CHRM5: variants seen among roughly 807,000 people sequenced by gnomAD.
CHRM5 encodes the protein cholinergic receptor muscarinic 5, also known as muscarinic acetylcholine receptor M5.
CHRM5 carries 18 observed loss-of-function variants against 39.0 expected under a neutral mutation model. The ratio of observed to expected loss-of-function variants is 0.46; its 90% CI spans 0.32 to 0.68. CHRM5 has a LOEUF of 0.68. Among genes scored for constraint, CHRM5 ranks in the 30% least tolerant of loss-of-function variants. The pLI is 0.04. For synonymous variants in CHRM5, 241 were observed against 246.3 expected, an observed-to-expected ratio of 0.98 and a Z score of 0.20; for missense variants, 515 against 651.1, an observed-to-expected ratio of 0.79 and a Z score of 2.28.
intron 1 of CHRM5, chr15:33,972,564 T>C (rs1341568127): frequency 6.6e-6 from 1 of 152,124 alleles, no homozygotes; most frequent in African/African-American, 2.4e-5. Flanking sequence ...CAAAGGACTG[T>C]CTTGAATTAG....
intron 1 of CHRM5, among the ~76,000 whole-genome samples, chr15:34,029,458 A>G (rs936090237): frequency 1.4e-5 from 2 of 144,980 alleles, no homozygotes; most frequent in Non-Finnish European, 3.0e-5. Context: ...AGGCAGGGGG[A>G]TCACTTGAGT....
At chr15:33,988,597 G>A (rs756894430) in intron 1 of CHRM5, among the ~76,000 whole-genome samples, 7 of 152,146 alleles carry the variant, frequency 4.6e-5, no homozygotes, top group Non-Finnish European at 8.8e-5. Context: ...TGGTTGCAGG[G>A]TCACTAGTGG....
chr15:34,016,394 G>A (rs1014249524), intron 1 of CHRM5, among the ~76,000 whole-genome samples: 3 of 152,110 alleles, frequency 2.0e-5, no homozygotes, highest in South Asian at 2.1e-4. Flanking sequence ...AGTTGGGCTC[G>A]CATGGGTACT....
intron 1 of CHRM5, chr15:34,007,120 T>C (rs1056216866): frequency 1.1e-6 from 1 of 909,182 alleles, no homozygotes; most frequent in Non-Finnish European, 1.3e-6. Context: ...TGAAGACCTA[T>C]TATATAATCA....
At chr15:34,047,651 G>A (rs1206778490) in intron 2 of CHRM5, among the ~76,000 whole-genome samples, 2 of 152,194 alleles carry the variant, frequency 1.3e-5, no homozygotes, top group Non-Finnish European at 2.9e-5. Flanking sequence ...ATTCTAGCTT[G>A]CGGCTTTGGA....
At chr15:34,062,374 T>G (rs986686042) in intron 2 of CHRM5, among the ~76,000 whole-genome samples, 2 of 151,834 alleles carry the variant, frequency 1.3e-5, no homozygotes, top group Admixed American at 1.3e-4. Context: ...CCTAACACAG[T>G]GAAACCCCGT....
At chr15:34,006,129 G>A (rs550997941) in intron 1 of CHRM5, among the ~76,000 whole-genome samples, 1 of 152,252 alleles carries the variant, frequency 6.6e-6, no homozygotes, top group Admixed American at 6.5e-5. Context: ...GGCTAACATG[G>A]TGAAACCCCA....
chr15:34,049,426 C>T (rs930676585), intron 2 of CHRM5, among the ~76,000 whole-genome samples: 2 of 152,064 alleles, frequency 1.3e-5, no homozygotes, highest in Non-Finnish European at 2.9e-5. Flanking sequence ...GTATCAAGAG[C>T]AGAATAGACC....
chr15:34,046,472 A>G (rs1222131389), intron 1 of CHRM5, 68 bp from the exon 2 acceptor site: 9 of 152,196 alleles, frequency 5.9e-5, no homozygotes, highest in Admixed American at 5.9e-4. Context: ...TTCAAATGTT[A>G]CTGCACATTG....
chr15:34,051,307 C>G (rs1367387122), intron 2 of CHRM5, among the ~76,000 whole-genome samples: 1 of 150,318 alleles, frequency 6.7e-6, no homozygotes, highest in East Asian at 2.0e-4. Context: ...AAACAAAGGA[C>G]AAAGTACCAA....
chr15:34,064,472 AG>A lies in CHRM5; in HGVS notation c.*160del. The A allele has an allele frequency of 1.2e-6, 1 of 846,428 alleles. No individual in the cohort carries two copies. The highest frequency in any genetic ancestry group is 1.8e-6 in the Non-Finnish European group (1 of 550,168). 52.4% of individuals were successfully genotyped at this position (846,428 alleles called of 1,614,324 possible). A position where few individuals can be genotyped will look rare whatever the true frequency, so the allele number is the denominator to read the frequency against. ...GGCTCAAGTTTGGTTGCCAAATGGA[AG>A]GGGCCATAGCTGCAGCAATTGCTGA... On this transcript the variant is annotated 3_prime_UTR_variant, in exon 3 of 3. Coordinates refer to ENST00000383263, the MANE Select transcript of CHRM5 (RefSeq NM_012125.4).
Position 34,063,284 on chromosome 15 carries a change from T to C in CHRM5, c.567T>C (p.Ser189=). ...ATGAGTGCCAGATCCAGTTTCTCTC[T>C]GAGCCCACCATCACTTTTGGCACTG... ...PLDECQIQFL[S]EPTITFGTAI... Residue 189 remains serine, a synonymous_variant, in exon 3 of 3, where the codon TCT becomes TCC. Transcript: ENST00000383263. This position sits in a 1 kb window ranked among gnomAD's most constrained non-coding sequence, Gnocchi z 4.1. 6.2e-7 allele frequency: 1 copy of C among 1,614,188 alleles called. No individual in the cohort carries two copies. Among genetic ancestry groups the C allele is most frequent in the East Asian group, 2.2e-5 (1 of 44,878 alleles).
intron 1 of CHRM5, among the ~76,000 whole-genome samples, chr15:34,038,582 G>C (rs1238217615): frequency 6.6e-6 from 1 of 150,788 alleles, no homozygotes. Context: ...GAGGCCACGA[G>C]GGCCAAGCGC....
intron 1 of CHRM5, among the ~76,000 whole-genome samples, chr15:34,043,794 T>C (rs561951266): frequency 6.6e-6 from 1 of 152,376 alleles, no homozygotes; most frequent in South Asian, 2.1e-4. Flanking sequence ...CTTTGCTTTC[T>C]ATTTCATGAA....
At chr15:34,018,875 A>C (rs1337540199) in intron 1 of CHRM5, among the ~76,000 whole-genome samples, 9 of 147,088 alleles carry the variant, frequency 6.1e-5, no homozygotes. Flanking sequence ...TGCATTTATA[A>C]TCCTTTAGCT....
intron 1 of CHRM5, among the ~76,000 whole-genome samples, chr15:34,018,679 T>C (rs965667120): frequency 3.9e-5 from 6 of 152,308 alleles, no homozygotes; most frequent in Middle Eastern, 3.4e-3. Flanking sequence ...GGGACTCCAG[T>C]GGGTTGCTGC....
chr15:34,029,502 T>C (rs2140753086), intron 1 of CHRM5, among the ~76,000 whole-genome samples: 1 of 106,154 alleles, frequency 9.4e-6, no homozygotes, highest in South Asian at 3.2e-4. Context: ...GCAACATAGG[T>C]AGACCCTATT....
At chr15:33,980,008 A>C (rs1207523576) in intron 1 of CHRM5, among the ~76,000 whole-genome samples, 1 of 152,148 alleles carries the variant, frequency 6.6e-6, no homozygotes, top group African/African-American at 2.4e-5. Flanking sequence ...TCACTTTTTC[A>C]CTATGATTGT....
chr15:34,039,041 C>G, intron 1 of CHRM5: 1 of 1,110,870 alleles, frequency 9.0e-7, no homozygotes, highest in Non-Finnish European at 1.1e-6. Context: ...CTCGCTCCGC[C>G]TGCATCTGGC....
Sources: gnomAD v4.1 joint callset for allele counts (sites outside exome capture counted in the v4.1 genomes callset) on GRCh38, gnomAD v4.1.1 for gene constraint, Gnocchi (gnomAD v3.1) non-coding constraint, MANE v1.5 for transcripts, NCBI Gene and HGNC (gene_info 2026-07-23, HGNC 2026-07-21) for gene names.